CSMD3: variants seen among roughly 807,000 people sequenced by gnomAD.
CSMD3 encodes the protein CUB and sushi domain-containing protein 3.
A neutral mutation model predicts 435.2 loss-of-function variants in CSMD3; 177 were observed. The observed-to-expected ratio is 0.41, with a 90% CI of 0.36 to 0.46. CSMD3 has a LOEUF of 0.46. Among genes scored for constraint, CSMD3 ranks in the 20% least tolerant of loss-of-function variants. The pLI, the probability that CSMD3 is intolerant of heterozygous loss-of-function variation, is 0.34. For synonymous variants in CSMD3, 1,656 were observed against 1,520.5 expected (o/e 1.09, Z -2.07); for missense variants, 4,265 against 4,504.6 (o/e 0.95, Z 1.52).
At chr8:113,428,658 A>C (rs2094651226) in intron 1 of CSMD3, among the ~76,000 whole-genome samples, 1 of 151,900 alleles carries the variant, frequency 6.6e-6, no homozygotes, top group Non-Finnish European at 1.5e-5. Context: ...ACATGAAAAG[A>C]CACAACAAAG....
Position 113,334,980 on chromosome 8 carries a change from A to G in CSMD3, c.179-20187T>C, listed in dbSNP as rs955256439. ...CCTCACCAAATCAAATTATATCCCC[A>G]ATGTTGGAGGTGGGGCCTGATGGGA... On this transcript the variant is annotated intron_variant, in intron 1 of 70. Coordinates refer to ENST00000297405, the MANE Select transcript of CSMD3 (RefSeq NM_198123.2). Among the ~76,000 whole-genome samples, 3 of 152,026 alleles carry G rather than the reference A, an allele frequency of 2.0e-5. No homozygotes were observed. The East Asian group carries it at 5.8e-4, about 29-fold the overall frequency.
chr8:113,136,462 G>A (rs1190701424), intron 4 of CSMD3, among the ~76,000 whole-genome samples: 1 of 151,482 alleles, frequency 6.6e-6, no homozygotes, highest in Non-Finnish European at 1.5e-5. Context: ...TGGTTTAAAG[G>A]TCATGGTGTT....
intron 55 of CSMD3, among the ~76,000 whole-genome samples, chr8:112,291,938 G>A (rs940002876): frequency 4.6e-5 from 7 of 151,844 alleles, no homozygotes; most frequent in African/African-American, 7.3e-5. Context: ...TAAGTATTGC[G>A]CTAAGTACGA....
rs370415989 is a variant in CSMD3, at chr8:112,685,813, T to C, written c.2156-81A>G. 682 of 879,846 alleles carry C rather than the reference T, an allele frequency of 7.8e-4. 2 individuals carry two copies. In the African/African-American group the frequency reaches 8.8e-3, roughly 11 times the overall value. The allele number at this position is 879,846 out of a possible 1,614,324, so 54.5% of individuals were successfully genotyped here. A position where few individuals can be genotyped will look rare whatever the true frequency, so the allele number is the denominator to read the frequency against. ...CTTATTTTGTCATATTCTACAATTA[T>C]GATAATCAATTAGCAGTATAAGATA... On this transcript the variant is annotated intron_variant, in intron 14 of 70. Coordinates refer to ENST00000297405, the MANE Select transcript of CSMD3 (RefSeq NM_198123.2).
At chr8:112,353,867 T>C (rs1175852698) in intron 38 of CSMD3, among the ~76,000 whole-genome samples, 1 of 152,078 alleles carries the variant, frequency 6.6e-6, no homozygotes, top group Non-Finnish European at 1.5e-5. Flanking sequence ...ATTAACCTAA[T>C]ACCAAAACAC....
chr8:112,777,037 C>T (rs1445626705), intron 13 of CSMD3, among the ~76,000 whole-genome samples: 8 of 151,696 alleles, frequency 5.3e-5, no homozygotes, highest in Non-Finnish European at 8.9e-5. Flanking sequence ...TTTCCATCTT[C>T]ATTTTCTTCT....
chr8:113,268,356 CTT>C (rs143705823), intron 3 of CSMD3, among the ~76,000 whole-genome samples: 15,081 of 151,614 alleles, frequency 0.099, 1,119 homozygotes, highest in African/African-American at 0.2. Flanking sequence ...CTCAGAAGAA[CTT>C]TTTACTCATT....
intron 3 of CSMD3, among the ~76,000 whole-genome samples, chr8:113,254,523 A>G (rs1251819646): frequency 6.6e-6 from 1 of 152,190 alleles, no homozygotes; most frequent in East Asian, 1.9e-4. Context: ...CCCATTATGT[A>G]AGGCACACAT....
At chr8:112,432,251 C>T (rs557159076) in intron 32 of CSMD3, among the ~76,000 whole-genome samples, 23 of 152,146 alleles carry the variant, frequency 1.5e-4, no homozygotes, top group Middle Eastern at 3.4e-3. Context: ...TCACTAAACA[C>T]GGAAGATTGC....
chr8:112,618,280 T>C (rs1365293835), intron 22 of CSMD3, among the ~76,000 whole-genome samples: 1 of 152,028 alleles, frequency 6.6e-6, no homozygotes, highest in Non-Finnish European at 1.5e-5. Flanking sequence ...TCTTAAGTTA[T>C]CTCAAATTGA....
At chr8:112,339,514 C>T (rs1168244283) in intron 42 of CSMD3, among the ~76,000 whole-genome samples, 3 of 152,106 alleles carry the variant, frequency 2.0e-5, no homozygotes, top group Non-Finnish European at 2.9e-5. Flanking sequence ...TCTCTGCTTT[C>T]GTTCTTTTGT....
intron 1 of CSMD3, among the ~76,000 whole-genome samples, chr8:113,350,635 G>A (rs545596195): frequency 6.8e-4 from 104 of 152,138 alleles, no homozygotes; most frequent in African/African-American, 2.4e-3. Flanking sequence ...TTACCCAAGA[G>A]GTCTTTCTAC....
chr8:112,420,242 G>A (rs1427728229), intron 32 of CSMD3, among the ~76,000 whole-genome samples: 1 of 152,038 alleles, frequency 6.6e-6, no homozygotes, highest in Non-Finnish European at 1.5e-5. Context: ...TCAACATTAT[G>A]CCAATCTTGT....
At chr8:112,937,080 T>C (rs1318174738) in intron 9 of CSMD3, among the ~76,000 whole-genome samples, 1 of 152,114 alleles carries the variant, frequency 6.6e-6, no homozygotes, top group Non-Finnish European at 1.5e-5. Flanking sequence ...GCTTTGTTAT[T>C]CATGTTATCT....
chr8:112,514,688 G>A (rs1823492460), intron 28 of CSMD3, among the ~76,000 whole-genome samples: 1 of 151,960 alleles, frequency 6.6e-6, no homozygotes, highest in South Asian at 2.1e-4. Context: ...TCTTAAAGAT[G>A]ACGTCCTTCT....
Position 112,234,404 on chromosome 8 carries a change from C to G in CSMD3, c.10701G>C (p.Val3567=), listed in dbSNP as rs775914044. The change falls in exon 68 of 71, where the codon GTG becomes GTC. Residue 3567 remains valine (V), a synonymous_variant. Coordinates refer to ENST00000297405, the MANE Select transcript of CSMD3 (RefSeq NM_198123.2). ...CCCAATTTTCTTCCTTCATTTTCTT[C>G]ACAGAAGCATGAGCAGGTACTTTAA... ...YLIKVPAHAS[V]KKMKEENWAM... is the part of the protein sequence containing the mutation. 133 of 1,613,256 alleles carry G rather than the reference C, an allele frequency of 8.2e-5. No homozygotes were observed. Among genetic ancestry groups the G allele is most frequent in the Non-Finnish European group, 1.1e-4 (129 of 1,179,684 alleles).
At chr8:113,236,191 A>G (rs1799079041) in intron 3 of CSMD3, among the ~76,000 whole-genome samples, 1 of 152,180 alleles carries the variant, frequency 6.6e-6, no homozygotes, top group Non-Finnish European at 1.5e-5. Context: ...TGCCGAGCAC[A>G]TGTTCCAACT....
intron 28 of CSMD3, among the ~76,000 whole-genome samples, chr8:112,508,420 T>G (rs1202844486): frequency 6.6e-6 from 1 of 152,138 alleles, no homozygotes; most frequent in Non-Finnish European, 1.5e-5. Context: ...CTGAACTGCT[T>G]GGCTCACTGA....
At chr8:112,509,301 C>T (rs968235663) in intron 28 of CSMD3, among the ~76,000 whole-genome samples, 2 of 152,028 alleles carry the variant, frequency 1.3e-5, no homozygotes, top group African/African-American at 4.8e-5. Flanking sequence ...GTTGCCCAGG[C>T]TGGTCTTGAA....
Sources: allele counts gnomAD v4.1 joint callset (sites outside exome capture counted in the v4.1 genomes callset), GRCh38; gene constraint gnomAD v4.1.1; transcripts MANE v1.5; gene names NCBI Gene and HGNC (gene_info 2026-07-23, HGNC 2026-07-21).